The following PTPRT variants were observed in gnomAD, a reference collection of about 807,000 sequenced individuals.
The protein encoded by PTPRT is protein tyrosine phosphatase receptor type T.
A neutral mutation model predicts 176.8 loss-of-function variants in PTPRT; 56 were observed. That is an observed-to-expected ratio of 0.32 (90% CI 0.26 to 0.40). PTPRT has a LOEUF of 0.40. PTPRT is among the 10% of genes least tolerant of loss of function. The pLI is 1.00. For synonymous variants in PTPRT, 783 were observed against 739.0 expected (o/e 1.06, Z -0.96); for missense variants, 1,540 against 1,908.2 (o/e 0.81, Z 3.60).
At chr20:42,201,353 A>T (rs141074434) in intron 15 of PTPRT, among the ~76,000 whole-genome samples, 1 of 152,186 alleles carries the variant, frequency 6.6e-6, no homozygotes, top group Non-Finnish European at 1.5e-5. Context: ...ACCTCAGCTT[A>T]GAAGTGTTTT....
intron 1 of PTPRT, among the ~76,000 whole-genome samples, chr20:42,972,676 C>CA (rs33947245): frequency 0.53 from 41,195 of 77,628 alleles, 10,017 homozygotes; most frequent in Middle Eastern, 0.71. Context: ...TCTCAAAAAG[C>CA]AAAAAAAAAA....
At chr20:42,380,232 GT>G (rs1391224759) in intron 9 of PTPRT, among the ~76,000 whole-genome samples, 1 of 152,134 alleles carries the variant, frequency 6.6e-6, no homozygotes, top group Non-Finnish European at 1.5e-5. Flanking sequence ...CTAGCTCCCT[GT>G]GGAGACTGGA....
chr20:42,123,738 G>A (rs1335944645), intron 19 of PTPRT, among the ~76,000 whole-genome samples: 1 of 152,158 alleles, frequency 6.6e-6, no homozygotes, highest in Non-Finnish European at 1.5e-5. Context: ...CTGCCCCCAG[G>A]TACCTGAGTG....
intron 1 of PTPRT, among the ~76,000 whole-genome samples, chr20:43,008,473 T>C (rs970275770): frequency 1.3e-5 from 2 of 152,134 alleles, no homozygotes; most frequent in Non-Finnish European, 2.9e-5. Flanking sequence ...CTTGCCTGAC[T>C]TGTGATCAGG....
chr20:43,156,216 G>A (rs989235999), intron 1 of PTPRT, among the ~76,000 whole-genome samples: 1 of 152,210 alleles, frequency 6.6e-6, no homozygotes, highest in East Asian at 1.9e-4. Flanking sequence ...AGGAACCACA[G>A]ATCAAGTGGA....
chr20:42,433,052 T>C (rs1255071884), intron 9 of PTPRT, among the ~76,000 whole-genome samples: 1 of 152,170 alleles, frequency 6.6e-6, no homozygotes. Flanking sequence ...AGTTCAGTCA[T>C]GAGATGGGTG....
At chr20:43,138,861 G>A (rs2013916484) in intron 1 of PTPRT, among the ~76,000 whole-genome samples, 1 of 152,150 alleles carries the variant, frequency 6.6e-6, no homozygotes, top group Admixed American at 6.5e-5. Context: ...ACAACCAGGT[G>A]GATGCAGAGC....
intron 8 of PTPRT, among the ~76,000 whole-genome samples, chr20:42,467,183 C>G (rs1023635518): frequency 2.0e-5 from 3 of 152,156 alleles, no homozygotes; most frequent in Non-Finnish European, 2.9e-5. Context: ...AACGTAATAA[C>G]TGGTTCAGGT....
intron 7 of PTPRT, among the ~76,000 whole-genome samples, chr20:42,525,348 T>G (rs2072250000): frequency 6.6e-6 from 1 of 152,204 alleles, no homozygotes; most frequent in African/African-American, 2.4e-5. Context: ...ACTGAGGGTA[T>G]ATGATTTCAA....
intron 6 of PTPRT, among the ~76,000 whole-genome samples, chr20:42,749,604 T>C (rs2076741450): frequency 6.6e-6 from 1 of 152,142 alleles, no homozygotes; most frequent in African/African-American, 2.4e-5. Context: ...TGGTAAAAGG[T>C]GGTTGCTAAC....
intron 1 of PTPRT, among the ~76,000 whole-genome samples, chr20:42,928,467 C>G (rs1979626187): frequency 6.6e-6 from 1 of 152,184 alleles, no homozygotes; most frequent in Non-Finnish European, 1.5e-5. Context: ...GAGGGAATCT[C>G]TGGGGTGCAC....
chr20:42,576,222 C>T (rs1192336212), intron 7 of PTPRT, among the ~76,000 whole-genome samples: 1 of 152,166 alleles, frequency 6.6e-6, no homozygotes, highest in Admixed American at 6.5e-5. Flanking sequence ...ACCCTTCCCT[C>T]TCCTCATTTT....
chr20:42,877,303 G>C (rs997152510), intron 2 of PTPRT, among the ~76,000 whole-genome samples: 1 of 152,040 alleles, frequency 6.6e-6, no homozygotes, highest in Non-Finnish European at 1.5e-5. Flanking sequence ...GAAAAGTCCT[G>C]GGCAGCAGGG....
chr20:42,716,450 G>C (rs2076224161), intron 6 of PTPRT, among the ~76,000 whole-genome samples: 1 of 152,134 alleles, frequency 6.6e-6, no homozygotes, highest in African/African-American at 2.4e-5. Flanking sequence ...ATTCCAACTG[G>C]TGTGAGATGG....
At chr20:42,531,968 G>A (rs1485077580) in intron 7 of PTPRT, among the ~76,000 whole-genome samples, 1 of 152,208 alleles carries the variant, frequency 6.6e-6, no homozygotes, top group Admixed American at 6.5e-5. Flanking sequence ...GTGCCCTCAT[G>A]GGAGCCTGGT....
rs1163907691 is a variant in PTPRT at position 42,315,918 on chromosome 20, C to A, written c.1944G>T (p.Val648=). 1 of 1,614,148 alleles carries A rather than the reference C, an allele frequency of 6.2e-7. No homozygotes were observed. The highest frequency in any genetic ancestry group is 8.5e-7 in the Non-Finnish European group (1 of 1,180,028). The stretch of plus-strand genomic sequence containing the variant: ...TGGAGGCATTCCGATAGCTCACGGG[C>A]ACCGAAAAGCACTCAATAATGTCAG... ...RAADIIECFS[V]PVSYRNASSL... The change falls in exon 12 of 31, where the codon GTG becomes GTT. Residue 648 remains valine (V), a synonymous_variant. Coordinates refer to ENST00000373187, the MANE Select transcript of PTPRT (RefSeq NM_007050.6).
intron 1 of PTPRT, among the ~76,000 whole-genome samples, chr20:43,105,406 CT>C (rs373133936): frequency 1.1e-4 from 16 of 149,616 alleles, no homozygotes; most frequent in Non-Finnish European, 3.0e-5. Context: ...TTCTGATACT[CT>C]TTTTTTTTTC....
At chr20:42,503,054 C>G (rs1332232950) in intron 7 of PTPRT, among the ~76,000 whole-genome samples, 1 of 151,944 alleles carries the variant, frequency 6.6e-6, no homozygotes, top group Non-Finnish European at 1.5e-5. Flanking sequence ...TCTTTTATTC[C>G]TAACAATTTT....
chr20:42,413,543 T>C (rs1289880613), intron 9 of PTPRT, among the ~76,000 whole-genome samples: 1 of 152,168 alleles, frequency 6.6e-6, no homozygotes, highest in Non-Finnish European at 1.5e-5. Flanking sequence ...AAATTAAATA[T>C]TGTTACTTGA....
Sources: gnomAD v4.1 joint callset for allele counts (sites outside exome capture counted in the v4.1 genomes callset) on GRCh38, gnomAD v4.1.1 for gene constraint, MANE v1.5 for transcripts, NCBI Gene and HGNC (gene_info 2026-07-23, HGNC 2026-07-21) for gene names.